PLCL1: variants seen among roughly 807,000 people sequenced by gnomAD.
PLCL1 encodes inactive phospholipase C-like protein 1.
Under a neutral mutation model 84.4 loss-of-function variants are expected in PLCL1, and 41 were observed. The observed-to-expected ratio is 0.49, with a 90% confidence interval of 0.38 to 0.63. The LOEUF is 0.63. PLCL1 is among the 30% of genes least tolerant of loss of function. The pLI, the probability that PLCL1 is intolerant of heterozygous loss-of-function variation, is 0.00. For synonymous variants in PLCL1, 490 were observed against 488.3 expected, an observed-to-expected ratio of 1.00 and a Z score of -0.05; for missense variants, 1,206 against 1,367.8, an observed-to-expected ratio of 0.88 and a Z score of 1.87.
intron 3 of PLCL1, among the ~76,000 whole-genome samples, chr2:198,095,069 C>T (rs1159152847): frequency 6.6e-6 from 1 of 152,160 alleles, no homozygotes; most frequent in Non-Finnish European, 1.5e-5. Context: ...GCTAAATACA[C>T]AAAGAGAAGA....
chr2:198,046,521 G>T (rs10497812), intron 1 of PLCL1, among the ~76,000 whole-genome samples: 1 of 152,060 alleles, frequency 6.6e-6, no homozygotes, highest in African/African-American at 2.4e-5. Flanking sequence ...CTTTATAATC[G>T]AGGGCTAAAT....
chr2:197,857,025 G>T (rs186261210), intron 1 of PLCL1, among the ~76,000 whole-genome samples: 1 of 152,074 alleles, frequency 6.6e-6, no homozygotes, highest in Non-Finnish European at 1.5e-5. Flanking sequence ...GTAGCTAGTG[G>T]ATGCTGGGCT....
intron 5 of PLCL1, among the ~76,000 whole-genome samples, chr2:198,138,877 T>C (rs1042199145): frequency 2.6e-5 from 4 of 152,154 alleles, no homozygotes; most frequent in African/African-American, 9.7e-5. Flanking sequence ...GCAGTTTTGC[T>C]GGGCGTGGTG....
chr2:198,100,153 AGCAAAACGGG>A (rs1455302362), intron 3 of PLCL1, among the ~76,000 whole-genome samples: 1 of 152,124 alleles, frequency 6.6e-6, no homozygotes, highest in African/African-American at 2.4e-5. Context: ...GTATCACAAA[AGCAAAACGGG>A]GAAAAAAGTG....
intron 1 of PLCL1, among the ~76,000 whole-genome samples, chr2:197,950,150 G>A (rs993944215): frequency 6.6e-6 from 1 of 152,110 alleles, no homozygotes; most frequent in Non-Finnish European, 1.5e-5. Flanking sequence ...AAGTGATTTG[G>A]CTCATCTTCA....
At chr2:198,140,729 G>T (rs1226325406) in intron 5 of PLCL1, among the ~76,000 whole-genome samples, 1 of 151,990 alleles carries the variant, frequency 6.6e-6, no homozygotes, top group Non-Finnish European at 1.5e-5. Flanking sequence ...AATTTTCTGT[G>T]GACCCTTTGG....
intron 1 of PLCL1, among the ~76,000 whole-genome samples, chr2:197,957,935 C>T (rs546009135): frequency 3.3e-5 from 5 of 152,036 alleles, no homozygotes; most frequent in African/African-American, 7.2e-5. Context: ...AGCAGATCCA[C>T]GTTATTAATA....
chr2:198,098,929 C>A (rs1252672079), intron 3 of PLCL1, among the ~76,000 whole-genome samples: 1 of 152,150 alleles, frequency 6.6e-6, no homozygotes, highest in African/African-American at 2.4e-5. Flanking sequence ...CACACCCCTG[C>A]TCTGGATACA....
chr2:197,990,865 T>C (rs1000586751), intron 1 of PLCL1, among the ~76,000 whole-genome samples: 1 of 152,234 alleles, frequency 6.6e-6, no homozygotes, highest in African/African-American at 2.4e-5. Context: ...ATAAAACTCA[T>C]GGAATTTATA....
chr2:197,923,985 G>T (rs137947665), intron 1 of PLCL1, among the ~76,000 whole-genome samples: 1 of 151,722 alleles, frequency 6.6e-6, no homozygotes, highest in Non-Finnish European at 1.5e-5. Context: ...GCGAAACCCC[G>T]TCTCCACCAA....
intron 5 of PLCL1, among the ~76,000 whole-genome samples, chr2:198,124,870 G>A (rs570502090): frequency 1.3e-5 from 2 of 152,232 alleles, no homozygotes; most frequent in East Asian, 1.9e-4. Context: ...TTTTTAGCCC[G>A]TGCTGTCCAA....
chr2:198,033,180 A>G (rs1027813408), intron 1 of PLCL1, among the ~76,000 whole-genome samples: 1 of 152,230 alleles, frequency 6.6e-6, no homozygotes, highest in African/African-American at 2.4e-5. Flanking sequence ...ATAAAATGCA[A>G]TCAGAGAAGC....
At chr2:197,876,692 A>G (rs1687739147) in intron 1 of PLCL1, among the ~76,000 whole-genome samples, 1 of 152,060 alleles carries the variant, frequency 6.6e-6, no homozygotes, top group Admixed American at 6.6e-5. Context: ...TTTTAATACT[A>G]CACTTGCCTT....
At chr2:198,132,055 A>T (rs1327512112) in intron 5 of PLCL1, among the ~76,000 whole-genome samples, 2 of 152,220 alleles carry the variant, frequency 1.3e-5, no homozygotes, top group Non-Finnish European at 2.9e-5. Context: ...ACAGGGGCTC[A>T]GCTCTGCTGG....
chr2:197,807,907 G>A (rs1480749371), intron 1 of PLCL1, among the ~76,000 whole-genome samples: 1 of 152,130 alleles, frequency 6.6e-6, no homozygotes, highest in Non-Finnish European at 1.5e-5. Context: ...ACAGAAAACA[G>A]ACTGTCTTGT....
intron 4 of PLCL1, among the ~76,000 whole-genome samples, chr2:198,103,408 C>A (rs1268541526): frequency 6.6e-6 from 1 of 151,978 alleles, no homozygotes; most frequent in Admixed American, 6.6e-5. Context: ...TCCATCCCCT[C>A]AAGCATTTCT....
chr2:198,033,592 A>T (rs1691482411), intron 1 of PLCL1, among the ~76,000 whole-genome samples: 1 of 152,164 alleles, frequency 6.6e-6, no homozygotes, highest in Admixed American at 6.5e-5. Flanking sequence ...AGAATTCAAA[A>T]CACATATGTG....
chr2:197,922,095 G>C (rs1461723614), intron 1 of PLCL1, among the ~76,000 whole-genome samples: 1 of 124,918 alleles, frequency 8.0e-6, no homozygotes, highest in Non-Finnish European at 1.7e-5. Context: ...CAATAGTGGA[G>C]GGAAGGTCAG....
At chr2:198,033,339 G>C (rs1691470296) in intron 1 of PLCL1, among the ~76,000 whole-genome samples, 1 of 152,062 alleles carries the variant, frequency 6.6e-6, no homozygotes, top group Non-Finnish European at 1.5e-5. Context: ...CTTATTGCAG[G>C]GAGAGCCACA....
Sources: gnomAD v4.1 joint callset for allele counts (sites outside exome capture counted in the v4.1 genomes callset) on GRCh38, gnomAD v4.1.1 for gene constraint, MANE v1.5 for transcripts, NCBI Gene and HGNC (gene_info 2026-07-23, HGNC 2026-07-21) for gene names.